Variants in SNX15 observed in about 807,000 individuals in gnomAD.
The protein encoded by SNX15 is sorting nexin-15.
SNX15 carries 29 observed loss-of-function variants against 35.2 expected under a neutral mutation model. The observed-to-expected ratio is 0.82, with a 90% CI of 0.61 to 1.12. The LOEUF (loss-of-function observed/expected upper bound fraction) is 1.12. Ranked by LOEUF, SNX15 falls within the 50% of genes most tolerant of loss-of-function variation. The pLI, the probability that SNX15 is intolerant of heterozygous loss-of-function variation, is 0.00. For missense variants in SNX15, 400 were observed against 451.5 expected (o/e 0.89, Z 1.03); for synonymous variants, 189 against 188.2 (o/e 1.00, Z -0.03).
At chr11:65,039,424 A>G (rs1946549062) in intron 7 of SNX15, among the ~76,000 whole-genome samples, 1 of 151,536 alleles carries the variant, frequency 6.6e-6, no homozygotes, top group African/African-American at 2.4e-5. Flanking sequence ...GGCTTTCACC[A>G]TGTTGGTCAG....
intron 3 of SNX15, among the ~76,000 whole-genome samples, chr11:65,033,123 G>A (rs1403119570): frequency 1.3e-5 from 2 of 151,368 alleles, no homozygotes; most frequent in African/African-American, 2.4e-5. Context: ...TGACCTGCCC[G>A]CCTTGGCTTC....
intron 6 of SNX15, chr11:65,038,256 G>A (rs1049649180): frequency 6.6e-6 from 7 of 1,064,290 alleles, no homozygotes; most frequent in Non-Finnish European, 7.9e-6. Context: ...CTTTCTGGAG[G>A]GGATTTTTGG....
chr11:65,038,331 T>G, intron 6 of SNX15: 1 of 1,182,854 alleles, frequency 8.5e-7, no homozygotes, highest in Non-Finnish European at 1.1e-6. Flanking sequence ...CAAACTAGAG[T>G]GTGTACCTAA....
In SNX15 at chr11:65,032,455, G is replaced by A. The variant is rs759230126; in HGVS notation, c.160G>A (p.Asp54Asn). The A allele has an allele frequency of 5.6e-6, 9 of 1,614,140 alleles. No individual in the cohort carries two copies. Among genetic ancestry groups the A allele is most frequent in the South Asian group, 1.1e-5 (1 of 91,080 alleles). Residue 54 changes from aspartate to asparagine, a missense_variant, in exon 3 of 8, where the codon GAC becomes AAC. Asp to Asn is a conservative substitution (Grantham distance 23). Transcript: ENST00000377244. ...GGTGGTGGTCTGGAAGCGGTACAGC[G>A]ACTTCCGCAAGCTGCATGGAGACCT... ...KEVVVWKRYS[D>N]FRKLHGDLAY...
In SNX15 at chr11:65,027,601, C is replaced by T. The variant is rs763604711; in HGVS notation, c.64C>T (p.Pro22Ser). The T allele has an allele frequency of 6.2e-7, 1 of 1,614,090 alleles. No homozygotes were observed. Among genetic ancestry groups the T allele is most frequent in the Admixed American group, 1.7e-5 (1 of 60,020 alleles). ...HYTVSDPRTH[P>S]KGYTEYKVTA... The stretch of plus-strand genomic sequence containing the variant: ...CACAGTGTCGGACCCCAGGACTCAC[C>T]CCAAGGGCTACACCGAGTACAAAGT... Residue 22 changes from proline to serine, a missense_variant, in exon 1 of 8, where the codon CCC becomes TCC. Transcript: ENST00000377244.
In SNX15 at chr11:65,035,113, C is replaced by T. The variant is rs759398023; in HGVS notation, c.427C>T (p.Pro143Ser). ...EVSRDLHILPPPLIPTPPPDD... is the reference protein window; with the variant it reads ...EVSRDLHILPSPLIPTPPPDD... ...GTCCAGGGACCTACACATCCTGCCA[C>T]CCCCTCTGATCCCCACCCCGCCCCC... Residue 143 changes from proline (P) to serine (S), a missense_variant, in exon 5 of 8, where the codon CCC becomes TCC. Transcript: ENST00000377244. The T allele has an allele frequency of 1.2e-6, 2 of 1,610,480 alleles. No homozygotes were observed. Among genetic ancestry groups the T allele is most frequent in the Non-Finnish European group, 1.7e-6 (2 of 1,178,642 alleles).
chr11:65,038,791 A>G lies in SNX15; in HGVS notation c.884A>G (p.Tyr295Cys), dbSNP rs930577070. ...GCTTACGCTGCTGCACTCCAGGGCTATCGAGACGGCGTGCACGTCTTGCTT... is the reference window on the plus strand; with the variant it reads ...GCTTACGCTGCTGCACTCCAGGGCTGTCGAGACGGCGTGCACGTCTTGCTT... ...AGAYAAALQG[Y>C]RDGVHVLLQG... Residue 295 changes from tyrosine to cysteine, a missense_variant, in exon 7 of 8, where the codon TAT becomes TGT. Physicochemically the swap from Tyr to Cys is radical, Grantham distance 194. Coordinates refer to ENST00000377244, the MANE Select transcript of SNX15 (RefSeq NM_013306.5). 48 of 1,598,214 alleles carry G rather than the reference A, an allele frequency of 3.0e-5. No individual in the cohort carries two copies. The highest frequency in any genetic ancestry group is 3.6e-5 in the Non-Finnish European group (42 of 1,172,940).
chr11:65,039,551 G>T (rs184799793), intron 7 of SNX15, 135 bp from the exon 8 acceptor site: 37 of 608,168 alleles, frequency 6.1e-5, no homozygotes, highest in African/African-American at 5.9e-4. Context: ...TGTAGACTGA[G>T]GAGAATGGAT....
At position 65,040,335 on chromosome 11, in the gene SNX15, C is replaced by T. The variant is rs1469231939; in HGVS notation, c.*543C>T. The T allele has an allele frequency of 6.5e-6, 1 of 152,762 alleles. No individual in the cohort carries two copies. Among genetic ancestry groups the T allele is most frequent in the Non-Finnish European group, 1.5e-5 (1 of 68,410 alleles). The allele number at this position is 152,762 out of a possible 1,614,324, so 9.5% of individuals were successfully genotyped here. A position where few individuals can be genotyped will look rare whatever the true frequency, so the allele number is the denominator to read the frequency against. On this transcript the variant is annotated 3_prime_UTR_variant, in exon 8 of 8. Transcript: ENST00000377244. ...GTCTGTCTTGATGTGTGAGCAGCAG[C>T]TGTGGTCATTAAACCATTAGTTTAC...
rs574657081 is a variant in SNX15, at chr11:65,031,670, G to A, written c.100-498G>A. On this transcript the variant is annotated intron_variant, in intron 1 of 7. Coordinates refer to ENST00000377244, the MANE Select transcript of SNX15 (RefSeq NM_013306.5). ...TGTAATCCCAGCACTTTGGGAGGCTGAGGCGGGCGGATCACTTGAGGTCAT... is the reference window on the plus strand; with the variant it reads ...TGTAATCCCAGCACTTTGGGAGGCTAAGGCGGGCGGATCACTTGAGGTCAT... Among the ~76,000 whole-genome samples, 4 of 152,344 alleles carry A rather than the reference G, an allele frequency of 2.6e-5. No individual in the cohort carries two copies. The East Asian group carries it at 7.7e-4, about 29-fold the overall frequency.
rs757485166 is a variant in SNX15 at position 65,035,667 on chromosome 11, A to G, written c.664+4A>G. 6.2e-7 allele frequency: 1 copy of G among 1,601,000 alleles called. No individual in the cohort carries two copies. Among genetic ancestry groups the G allele is most frequent in the Non-Finnish European group, 8.5e-7 (1 of 1,173,704 alleles). The stretch of plus-strand genomic sequence containing the variant: ...TTCGACCCCTTCTCCAAGGAAGGTA[A>G]TGAGCTGGGACAGCCGGGAAGGAGC... On this transcript the variant is annotated splice_donor_region_variant and intron_variant, in intron 6 of 7. Transcript: ENST00000377244.
chr11:65,037,674 A>C (rs1003031492), intron 6 of SNX15: 1 of 152,244 alleles, frequency 6.6e-6, no homozygotes, highest in African/African-American at 2.4e-5. Context: ...TCACCACCAG[A>C]ATTCTCGAGG....
At chr11:65,030,974 A>G (rs938710832) in intron 1 of SNX15, among the ~76,000 whole-genome samples, 6 of 152,072 alleles carry the variant, frequency 3.9e-5, no homozygotes, top group Admixed American at 6.6e-5. Flanking sequence ...GGGCATGTCA[A>G]TTATGTCTGC....
rs759586838 is a variant in SNX15 at position 65,034,963 on chromosome 11, G to T, written c.372+1G>T. ...CCCCCAGCTCAAGGAGTTCTTCCGG[G>T]TATGTGCACCTTCCACCTTCCCAGA... is the stretch of plus-strand genomic sequence containing the variant. On this transcript the variant is annotated splice_donor_variant, in intron 4 of 7. Coordinates refer to ENST00000377244, the MANE Select transcript of SNX15 (RefSeq NM_013306.5). LOFTEE classifies it high-confidence loss of function. 6.2e-7 allele frequency: 1 copy of T among 1,613,878 alleles called. No homozygotes were observed. The highest frequency in any genetic ancestry group is 2.2e-5 in the East Asian group (1 of 44,894).
intron 7 of SNX15, among the ~76,000 whole-genome samples, chr11:65,039,111 C>G (rs1208065984): frequency 6.9e-6 from 1 of 145,098 alleles, no homozygotes; most frequent in Non-Finnish European, 1.5e-5. Context: ...GCAACCTCCG[C>G]CCCCCAGGTT....
chr11:65,029,024 G>A (rs1392590608), intron 1 of SNX15, among the ~76,000 whole-genome samples: 1 of 152,038 alleles, frequency 6.6e-6, no homozygotes, highest in Non-Finnish European at 1.5e-5. Flanking sequence ...CCGGGAGGTG[G>A]AGCTTGCAGT....
chr11:65,030,248 G>A (rs914566551), intron 1 of SNX15, among the ~76,000 whole-genome samples: 3 of 151,702 alleles, frequency 2.0e-5, no homozygotes, highest in Non-Finnish European at 4.4e-5. Flanking sequence ...CCAGCTACTC[G>A]GGAGGCTGAG....
intron 1 of SNX15, 89 bp downstream of exon 1, chr11:65,027,725 C>A: frequency 1.1e-6 from 1 of 945,444 alleles, no homozygotes; most frequent in South Asian, 1.4e-5. Context: ...CCACTGCTCC[C>A]TTTTTAGACG....
In SNX15 at chr11:65,027,519, T is replaced by A. The variant is rs199754202; in HGVS notation, c.-19T>A. 9.3e-6 allele frequency: 15 copies of A among 1,609,840 alleles called. 1 individual carries two copies. The East Asian group carries it at 2.9e-4, about 31-fold the overall frequency. ...GAGGAGGTGGAGGCCGGCGCTCCGC[T>A]CCGCTCCAGCTCGGTTTCATGTCCC... On this transcript the variant is annotated 5_prime_UTR_variant, in exon 1 of 8. Transcript: ENST00000377244.
Sources: allele counts gnomAD v4.1 joint callset (sites outside exome capture counted in the v4.1 genomes callset), GRCh38; gene constraint gnomAD v4.1.1; transcripts MANE v1.5; gene names NCBI Gene and HGNC (gene_info 2026-07-23, HGNC 2026-07-21).